The following LPAR3 variants were observed in gnomAD, a reference collection of about 807,000 sequenced individuals.
The protein encoded by LPAR3 is LPA receptor 3.
Under a neutral mutation model 17.8 loss-of-function variants are expected in LPAR3, and 7 were observed. That is an observed-to-expected ratio of 0.39 (90% CI 0.22 to 0.74). The LOEUF (loss-of-function observed/expected upper bound fraction) is 0.74, where lower values mean the gene tolerates loss of function less well. Ranked by LOEUF, LPAR3 falls within the 30% of genes least tolerant of loss-of-function variation. The pLI, the probability that LPAR3 is intolerant of heterozygous loss-of-function variation, is 0.40. For missense variants in LPAR3, 391 were observed against 453.4 expected, an observed-to-expected ratio of 0.86 and a Z score of 1.25; for synonymous variants, 179 against 179.9, an observed-to-expected ratio of 0.99 and a Z score of 0.04.
intron 2 of LPAR3, among the ~76,000 whole-genome samples, chr1:84,857,225 C>T (rs993618636): frequency 2.0e-5 from 3 of 152,178 alleles, no homozygotes; most frequent in Non-Finnish European, 4.4e-5. Context: ...GAATACAGGG[C>T]ATGGCTCTTT....
chr1:84,815,790 T>C (rs904072260), intron 2 of LPAR3, among the ~76,000 whole-genome samples: 2 of 152,176 alleles, frequency 1.3e-5, no homozygotes, highest in Admixed American at 1.3e-4. Flanking sequence ...TGAGCAGCAG[T>C]TATCATGAGG....
At position 84,813,767 on chromosome 1, in the gene LPAR3, G is replaced by T; in HGVS notation, c.*79C>A. The T allele has an allele frequency of 8.5e-7, 1 of 1,170,644 alleles. No homozygotes were observed. The highest frequency in any genetic ancestry group is 1.5e-5 in the African/African-American group (1 of 65,818). 72.5% of individuals were successfully genotyped at this position (1,170,644 alleles called of 1,614,324 possible). The stretch of plus-strand genomic sequence containing the variant: ...AGACCTCAAATAACACTGTACATGG[G>T]CTTTGTTAGAGACAGGTAATCATTC... On this transcript the variant is annotated 3_prime_UTR_variant, in exon 3 of 3. Coordinates refer to ENST00000370611, the MANE Select transcript of LPAR3 (RefSeq NM_012152.3).
chr1:84,865,246 C>T, intron 2 of LPAR3, 139 bp downstream of exon 2: 1 of 834,394 alleles, frequency 1.2e-6, no homozygotes, highest in Non-Finnish European at 1.8e-6. Flanking sequence ...GTGTAAGCTC[C>T]AGGTGGGTGG....
At chr1:84,883,088 T>A (rs1435907357) in intron 1 of LPAR3, among the ~76,000 whole-genome samples, 1 of 152,234 alleles carries the variant, frequency 6.6e-6, no homozygotes, top group Non-Finnish European at 1.5e-5. Flanking sequence ...AGCCTCGATT[T>A]CCTTTTTTGT....
At chr1:84,825,273 G>T (rs1427972982) in intron 2 of LPAR3, among the ~76,000 whole-genome samples, 1 of 152,178 alleles carries the variant, frequency 6.6e-6, no homozygotes, top group Non-Finnish European at 1.5e-5. Context: ...CCTGACTCCA[G>T]CAAAAACTGG....
rs1305501801 is a variant in LPAR3 at position 84,865,848 on chromosome 1, G to T, written c.273C>A (p.Gly91=). The T allele has an allele frequency of 6.2e-7, 1 of 1,614,198 alleles. No individual in the cohort carries two copies. The highest frequency in any genetic ancestry group is 1.1e-5 in the South Asian group (1 of 91,076). ...TGACAGTCAAAGTTTTTGAAACTGG[G>T]CCTGTGTTAAACATCAGGAATACAT... The part of the protein sequence containing the change: ...IAYVFLMFNT[G]PVSKTLTVNR... The change falls in exon 2 of 3, where the codon GGC becomes GGA. Residue 91 remains glycine, a synonymous_variant. Transcript: ENST00000370611.
chr1:84,829,697 T>A (rs1035910963), intron 2 of LPAR3, among the ~76,000 whole-genome samples: 1 of 152,052 alleles, frequency 6.6e-6, no homozygotes, highest in Admixed American at 6.6e-5. Flanking sequence ...GACGAAAATA[T>A]GCATCCAGAA....
chr1:84,824,339 A>G (rs936091679), intron 2 of LPAR3, among the ~76,000 whole-genome samples: 3 of 152,132 alleles, frequency 2.0e-5, no homozygotes, highest in African/African-American at 7.2e-5. Flanking sequence ...ACAGGATACC[A>G]CTTTCCATCC....
chr1:84,815,886 G>A (rs1413584388), intron 2 of LPAR3, among the ~76,000 whole-genome samples: 1 of 152,134 alleles, frequency 6.6e-6, no homozygotes, highest in Non-Finnish European at 1.5e-5. Context: ...GTTCAGCAGT[G>A]GTTCCCTTTT....
chr1:84,846,466 C>T (rs1265158065), intron 2 of LPAR3, among the ~76,000 whole-genome samples: 1 of 152,184 alleles, frequency 6.6e-6, no homozygotes, highest in Non-Finnish European at 1.5e-5. Context: ...TTTTACAAGT[C>T]CCTTCTCCCC....
rs558593494 is a variant in LPAR3, at chr1:84,813,930, T to A, written c.978A>T (p.Thr326=). The A allele has an allele frequency of 1.2e-6, 2 of 1,614,164 alleles. No homozygotes were observed. Among genetic ancestry groups the A allele is most frequent in the South Asian group, 2.2e-5 (2 of 91,076 alleles). ...PERRPSRIPS[T]VLSRSDTGSQ... Reference sequence around the variant, plus strand: ...TGCCTGTGTCACTCCTGCTGAGGACTGTGGAGGGGATGCGAGAGGGACGCC... The same window carrying A: ...TGCCTGTGTCACTCCTGCTGAGGACAGTGGAGGGGATGCGAGAGGGACGCC... Residue 326 remains threonine, a synonymous_variant, in exon 3 of 3, where the codon ACA becomes ACT. Coordinates refer to ENST00000370611, the MANE Select transcript of LPAR3 (RefSeq NM_012152.3).
At chr1:84,843,319 A>G (rs1453208516) in intron 2 of LPAR3, among the ~76,000 whole-genome samples, 1 of 152,266 alleles carries the variant, frequency 6.6e-6, no homozygotes, top group Non-Finnish European at 1.5e-5. Flanking sequence ...TAGACATCCA[A>G]GAAACTTCCC....
chr1:84,835,583 A>T (rs1019258713), intron 2 of LPAR3, among the ~76,000 whole-genome samples: 2 of 151,968 alleles, frequency 1.3e-5, no homozygotes, highest in African/African-American at 4.8e-5. Context: ...TAGATCTGGA[A>T]CCTCCTACTT....
At chr1:84,876,774 T>A (rs185191426) in intron 1 of LPAR3, among the ~76,000 whole-genome samples, 1 of 152,356 alleles carries the variant, frequency 6.6e-6, no homozygotes, top group African/African-American at 2.4e-5. Context: ...ATGTTATGGA[T>A]TTTCTTAAAT....
At chr1:84,830,342 A>T (rs1659258837) in intron 2 of LPAR3, among the ~76,000 whole-genome samples, 1 of 152,176 alleles carries the variant, frequency 6.6e-6, no homozygotes, top group African/African-American at 2.4e-5. Flanking sequence ...GGCAAGCCAA[A>T]GGGAGGAGGG....
chr1:84,860,407 T>C (rs1557601862), intron 2 of LPAR3, among the ~76,000 whole-genome samples: 1 of 152,224 alleles, frequency 6.6e-6, no homozygotes, highest in Non-Finnish European at 1.5e-5. Flanking sequence ...TTGTACTCTG[T>C]GGGGCCTTCC....
intron 2 of LPAR3, among the ~76,000 whole-genome samples, chr1:84,824,509 C>T (rs1659115703): frequency 6.6e-6 from 1 of 152,144 alleles, no homozygotes; most frequent in South Asian, 2.1e-4. Context: ...TGAGCATAGG[C>T]TTGAAATCAA....
At chr1:84,882,903 C>T (rs1660391295) in intron 1 of LPAR3, among the ~76,000 whole-genome samples, 1 of 152,216 alleles carries the variant, frequency 6.6e-6, no homozygotes, top group Admixed American at 6.5e-5. Context: ...AGTTTAAAGC[C>T]TTGCTTACCA....
At chr1:84,892,032 T>C (rs1660560920) in intron 1 of LPAR3, among the ~76,000 whole-genome samples, 1 of 151,808 alleles carries the variant, frequency 6.6e-6, no homozygotes, top group Non-Finnish European at 1.5e-5. Flanking sequence ...GCCAACACAG[T>C]GGAACCCCGT....
Sources: allele counts gnomAD v4.1 joint callset (sites outside exome capture counted in the v4.1 genomes callset), GRCh38; gene constraint gnomAD v4.1.1; transcripts MANE v1.5; gene names NCBI Gene and HGNC (gene_info 2026-07-23, HGNC 2026-07-21).